The following GTF2E2 variants were observed in gnomAD, a reference collection of about 807,000 sequenced individuals.
GTF2E2 encodes the protein transcription initiation factor IIE subunit beta.
Under a neutral mutation model 40.5 loss-of-function variants are expected in GTF2E2, and 21 were observed. The ratio of observed to expected loss-of-function variants is 0.52; its 90% CI spans 0.37 to 0.75. The LOEUF is 0.75. Among genes scored for constraint, GTF2E2 ranks in the 30% least tolerant of loss-of-function variants. The probability of loss-of-function intolerance (pLI) is 0.00; values close to 1 mark genes in which losing one functional copy is unlikely to be tolerated. For missense variants in GTF2E2, 298 were observed against 338.4 expected (o/e 0.88, Z 0.94); for synonymous variants, 117 against 121.6 (o/e 0.96, Z 0.25).
chr8:30,609,276 AAAAAGAGAAAG>A (rs1484501001), intron 5 of GTF2E2, among the ~76,000 whole-genome samples: 7 of 98,770 alleles, frequency 7.1e-5, no homozygotes, highest in African/African-American at 2.7e-4. Context: ...AAAAAAAAAA[AAAAAGAGAAAG>A]AAAGAAAGAA....
At chr8:30,582,303 T>C (rs937066089) in intron 6 of GTF2E2, among the ~76,000 whole-genome samples, 41 of 152,348 alleles carry the variant, frequency 2.7e-4, no homozygotes, top group Admixed American at 2.0e-3. Context: ...GGATTACAGG[T>C]GTCGAGCCAC....
intron 2 of GTF2E2, among the ~76,000 whole-genome samples, chr8:30,638,918 T>C (rs149197537): frequency 9.8e-4 from 149 of 152,322 alleles, no homozygotes; most frequent in African/African-American, 3.4e-3. Flanking sequence ...ACCATAGCTT[T>C]TTATTTTAAC....
chr8:30,584,375 T>TA (rs1194016589), intron 6 of GTF2E2: 3 of 152,200 alleles, frequency 2.0e-5, no homozygotes, highest in Admixed American at 6.5e-5. Context: ...TTTGGGTTTT[T>TA]AAAAATAGCA....
intron 5 of GTF2E2, among the ~76,000 whole-genome samples, chr8:30,611,720 A>T (rs1013899354): frequency 2.6e-5 from 4 of 152,220 alleles, no homozygotes; most frequent in Admixed American, 1.3e-4. Context: ...AGAAGAAGAG[A>T]CAAAGGGGCA....
chr8:30,594,730 T>A lies in GTF2E2; in HGVS notation c.643+12327A>T, dbSNP rs111723359. Among the ~76,000 whole-genome samples, 8 of 151,856 alleles carry A rather than the reference T, an allele frequency of 5.3e-5. No homozygotes were observed. The East Asian group carries it at 1.4e-3, about 26-fold the overall frequency. On this transcript the variant is annotated intron_variant, in intron 6 of 7. Transcript: ENST00000355904. The stretch of plus-strand genomic sequence containing the variant: ...TAAATTAGACGGGCGTGGTGGTGTA[T>A]GCCTGTAATCCCAGCTACTGGGGAG...
intron 5 of GTF2E2, among the ~76,000 whole-genome samples, chr8:30,608,902 C>T (rs1829400054): frequency 6.6e-6 from 1 of 152,200 alleles, no homozygotes; most frequent in South Asian, 2.1e-4. Flanking sequence ...GTGCCCGCCA[C>T]CACGCCCGGC....
chr8:30,639,856 C>T (rs1037743656), intron 2 of GTF2E2, among the ~76,000 whole-genome samples: 1 of 151,584 alleles, frequency 6.6e-6, no homozygotes, highest in African/African-American at 2.4e-5. Context: ...CCAAAGGTTG[C>T]TGTAATAAGA....
intron 4 of GTF2E2, among the ~76,000 whole-genome samples, chr8:30,614,013 C>T (rs1800823872): frequency 6.6e-6 from 1 of 152,074 alleles, no homozygotes; most frequent in African/African-American, 2.4e-5. Flanking sequence ...CTTTAAATTT[C>T]CTAAAACAAA....
chr8:30,616,112 C>T (rs975788186), intron 3 of GTF2E2, among the ~76,000 whole-genome samples: 15 of 152,128 alleles, frequency 9.9e-5, no homozygotes, highest in Non-Finnish European at 1.8e-4. Flanking sequence ...TGTTGACATT[C>T]CGGAAAAGGC....
At chr8:30,633,756 G>A (rs1181681530) in intron 3 of GTF2E2, among the ~76,000 whole-genome samples, 3 of 152,132 alleles carry the variant, frequency 2.0e-5, no homozygotes, top group Non-Finnish European at 4.4e-5. Flanking sequence ...GCCCTAAACA[G>A]CCAATAGATT....
At chr8:30,629,202 T>C (rs1801367979) in intron 3 of GTF2E2, among the ~76,000 whole-genome samples, 1 of 152,214 alleles carries the variant, frequency 6.6e-6, no homozygotes, top group African/African-American at 2.4e-5. Context: ...ATTTAAATAC[T>C]TTTATTTAAA....
intron 5 of GTF2E2, among the ~76,000 whole-genome samples, chr8:30,611,789 T>C (rs1585963377): frequency 1.3e-5 from 2 of 152,312 alleles, no homozygotes; most frequent in East Asian, 3.9e-4. Context: ...ACATTAATAA[T>C]GAGCAACTGT....
At chr8:30,651,328 AAAC>A (rs767915536) in intron 2 of GTF2E2, among the ~76,000 whole-genome samples, 1 of 152,196 alleles carries the variant, frequency 6.6e-6, no homozygotes, top group Non-Finnish European at 1.5e-5. Flanking sequence ...GAGAAATAAA[AAAC>A]AAGTTCAGTC....
chr8:30,654,298 C>T (rs954775766), intron 1 of GTF2E2, among the ~76,000 whole-genome samples: 18 of 151,894 alleles, frequency 1.2e-4, no homozygotes, highest in Admixed American at 7.2e-4. Flanking sequence ...TAATTACTAA[C>T]GAGATATTTT....
At chr8:30,653,703 CTTT>C (rs1802361317) in intron 1 of GTF2E2, 101 bp from the exon 2 acceptor site, 2 of 764,608 alleles carry the variant, frequency 2.6e-6, no homozygotes, top group African/African-American at 1.8e-5. Flanking sequence ...ACAAAATTAC[CTTT>C]TATTATTAGT....
In GTF2E2 at chr8:30,578,871, AAC is replaced by A. The variant is rs1828429766; in HGVS notation, c.*48_*49del. The A allele has an allele frequency of 1.1e-6, 1 of 916,690 alleles. No homozygotes were observed. Among genetic ancestry groups the A allele is most frequent in the African/African-American group, 1.6e-5 (1 of 61,630 alleles). 56.8% of individuals were successfully genotyped at this position (916,690 alleles called of 1,614,324 possible). On this transcript the variant is annotated 3_prime_UTR_variant, in exon 8 of 8. Coordinates refer to ENST00000355904, the MANE Select transcript of GTF2E2 (RefSeq NM_002095.6). ...TCTTCAGACCCCGAGCATCAGCAAGAACACTCTTGATTGTGTATCTGTAACTC... is the reference window on the plus strand; with the variant it reads ...TCTTCAGACCCCGAGCATCAGCAAGAACTCTTGATTGTGTATCTGTAACTC...
In GTF2E2 at chr8:30,614,823, C is replaced by T. The variant is rs28647953; in HGVS notation, c.259-108G>A. On this transcript the variant is annotated intron_variant, in intron 3 of 7. Transcript: ENST00000355904. ...CAGGAATGAAAAACATGTATTATTC[C>T]AGGTAGCATAATTATAGTGACGAAG... is the stretch of plus-strand genomic sequence containing the variant. 0.013 allele frequency: 8,164 copies of T among 645,596 alleles called. 520 individuals are homozygous for T. In the African/African-American group the frequency reaches 0.13, roughly 11 times the overall value. The allele number at this position is 645,596 out of a possible 1,614,324, so 40.0% of individuals were successfully genotyped here. A position where few individuals can be genotyped will look rare whatever the true frequency, so the allele number is the denominator to read the frequency against.
intron 6 of GTF2E2, among the ~76,000 whole-genome samples, chr8:30,593,890 T>C (rs1828917002): frequency 1.3e-5 from 2 of 152,194 alleles, no homozygotes; most frequent in Admixed American, 1.3e-4. Context: ...GTATATCATT[T>C]TACATGCTTT....
chr8:30,613,831 A>ATTTGAAT (rs1800816159), intron 4 of GTF2E2, among the ~76,000 whole-genome samples: 1 of 152,232 alleles, frequency 6.6e-6, no homozygotes, highest in Non-Finnish European at 1.5e-5. Flanking sequence ...AGCGGTAAAC[A>ATTTGAAT]TTTGAATTTT....
Sources: gnomAD v4.1 joint callset for allele counts (sites outside exome capture counted in the v4.1 genomes callset) on GRCh38, gnomAD v4.1.1 for gene constraint, MANE v1.5 for transcripts, NCBI Gene and HGNC (gene_info 2026-07-23, HGNC 2026-07-21) for gene names.